The following NDUFAF7 variants were observed in gnomAD, a reference collection of about 807,000 sequenced individuals.
NDUFAF7 encodes NADH:ubiquinone oxidoreductase complex assembly factor 7.
A neutral mutation model predicts 47.2 loss-of-function variants in NDUFAF7; 48 were observed. The observed-to-expected ratio is 1.02, with a 90% CI of 0.81 to 1.29. The LOEUF is 1.29. Ranked by LOEUF, NDUFAF7 falls within the 50% of genes most tolerant of loss-of-function variation. The pLI is 0.00. For missense variants in NDUFAF7, 635 were observed against 537.6 expected (o/e 1.18, Z -1.79); for synonymous variants, 217 against 190.0 (o/e 1.14, Z -1.17).
chr2:37,245,146 A>T (rs1666771149), intron 7 of NDUFAF7, among the ~76,000 whole-genome samples: 1 of 152,224 alleles, frequency 6.6e-6, no homozygotes, highest in African/African-American at 2.4e-5. Flanking sequence ...ATCTATAAGG[A>T]AGAAAACAAC....
chr2:37,257,913 AAC>A (rs1350261691), downstream of NDUFAF7, among the ~76,000 whole-genome samples: 12 of 152,244 alleles, frequency 7.9e-5, no homozygotes, highest in South Asian at 2.3e-3. Context: ...TAGATTTGAA[AAC>A]AGTTATATGT....
downstream of NDUFAF7, chr2:37,256,692 G>C (rs774651444): frequency 3.2e-6 from 5 of 1,551,310 alleles, no homozygotes; most frequent in Non-Finnish European, 4.4e-6. Flanking sequence ...CATGGATTTG[G>C]TGGGTACATA....
At chr2:37,266,233 TTTAA>T in the NDUFAF7 span, among the ~76,000 whole-genome samples, 1 of 152,236 alleles carries the variant, frequency 6.6e-6, no homozygotes, top group Non-Finnish European at 1.5e-5. Context: ...AAATGAATCA[TTTAA>T]GTTTCTTACC....
At chr2:37,256,628 A>AT (rs56389006), downstream of NDUFAF7, 7,042 of 1,198,294 alleles carry the variant, frequency 5.9e-3, 210 homozygotes, top group Admixed American at 0.041. Context: ...CATAGCCAAA[A>AT]TTTTTTTTTT....
chr2:37,270,602 G>T, the NDUFAF7 span, among the ~76,000 whole-genome samples: 6 of 151,982 alleles, frequency 3.9e-5, no homozygotes, highest in Admixed American at 1.3e-4. Context: ...ACTGATGAAA[G>T]AAAAACAAAG....
the NDUFAF7 span, chr2:37,269,473 A>C: frequency 1.5e-6 from 1 of 681,226 alleles, no homozygotes; most frequent in Non-Finnish European, 2.6e-6. Context: ...AGTGAGAAGG[A>C]TTTAGCTGAA....
the NDUFAF7 span, among the ~76,000 whole-genome samples, chr2:37,261,415 A>T: frequency 1.5e-4 from 23 of 151,732 alleles, no homozygotes; most frequent in East Asian, 4.5e-3. Context: ...TGAACCTGGG[A>T]GGTGGAGGCT....
At chr2:37,239,370 C>T (rs1666127249) in intron 4 of NDUFAF7, among the ~76,000 whole-genome samples, 1 of 152,170 alleles carries the variant, frequency 6.6e-6, no homozygotes, top group African/African-American at 2.4e-5. Flanking sequence ...CCGCCTGCCT[C>T]GGCCTCCCAG....
At chr2:37,252,839 A>ATTTACATT (rs1667609283), downstream of NDUFAF7, 1 of 98,852 alleles carries the variant, frequency 1.0e-5, no homozygotes, top group Non-Finnish European at 2.1e-5. Flanking sequence ...ACAAACATAT[A>ATTTACATT]TTTATATTTA....
chr2:37,256,619 AT>A (rs1667961752), downstream of NDUFAF7: 4 of 1,469,560 alleles, frequency 2.7e-6, no homozygotes, highest in East Asian at 9.9e-5. Context: ...CTTAAAACAC[AT>A]AGCCAAAATT....
the NDUFAF7 span, among the ~76,000 whole-genome samples, chr2:37,267,003 T>C: frequency 1.7e-4 from 26 of 152,204 alleles, no homozygotes; most frequent in African/African-American, 5.8e-4. Flanking sequence ...AATATATCTT[T>C]AAAATACGCC....
chr2:37,235,972 A>G (rs1665710749), intron 2 of NDUFAF7, 124 bp from the exon 3 acceptor site: 2 of 849,646 alleles, frequency 2.4e-6, no homozygotes, highest in African/African-American at 1.7e-5. Context: ...TTGCTTATTT[A>G]GAGGAGAGAA....
intron 8 of NDUFAF7, among the ~76,000 whole-genome samples, chr2:37,247,090 AG>A (rs1667009486): frequency 6.6e-6 from 1 of 151,918 alleles, no homozygotes; most frequent in African/African-American, 2.4e-5. Flanking sequence ...TGTTCCCATA[AG>A]TATGTTCACG....
intron 8 of NDUFAF7, 88 bp downstream of exon 8, chr2:37,246,283 T>G (rs1445836665): frequency 7.2e-7 from 1 of 1,392,324 alleles, no homozygotes. Flanking sequence ...CAGTGCCTGG[T>G]ATTGTTGTAT....
At chr2:37,268,317 T>C in the NDUFAF7 span, 1 of 470,976 alleles carries the variant, frequency 2.1e-6, no homozygotes, top group Middle Eastern at 3.2e-4. Context: ...CAGTTCTTTG[T>C]TCCTCTGATG....
downstream of NDUFAF7, among the ~76,000 whole-genome samples, chr2:37,253,907 T>G (rs532968892): frequency 6.6e-6 from 1 of 152,352 alleles, no homozygotes; most frequent in East Asian, 1.9e-4. Context: ...AATCCTTCAG[T>G]AGACATTTAA....
downstream of NDUFAF7, among the ~76,000 whole-genome samples, chr2:37,249,576 C>T (rs866700845): frequency 7.8e-5 from 11 of 140,540 alleles, no homozygotes; most frequent in East Asian, 2.2e-3. Flanking sequence ...CACACACACA[C>T]ACACACACAC....
chr2:37,253,259 A>G (rs367746070), downstream of NDUFAF7: 103 of 1,612,826 alleles, frequency 6.4e-5, no homozygotes, highest in Non-Finnish European at 8.3e-5. Context: ...GTATGCATGT[A>G]TTTCCCAGCG....
At position 37,248,268 on chromosome 2, in the gene NDUFAF7, G is replaced by T; in HGVS notation, c.1244G>T (p.Gly415Val). 1 of 1,614,112 alleles carries T rather than the reference G, an allele frequency of 6.2e-7. No individual in the cohort carries two copies. Among genetic ancestry groups the T allele is most frequent in the Non-Finnish European group, 8.5e-7 (1 of 1,179,984 alleles). Reference sequence around the variant, plus strand: ...TTGCTACCTCATCAGAGACTTCAAGGTGGAAGATATCAGAGGAATGCACGT... The same window carrying T: ...TTGCTACCTCATCAGAGACTTCAAGTTGGAAGATATCAGAGGAATGCACGT... ...FALLPHQRLQ[G>V]GRYQRNARQS... The change falls in exon 10 of 10, where the codon GGT becomes GTT. Residue 415 changes from glycine (G) to valine (V), a missense_variant. Transcript: ENST00000002125.
Sources: gnomAD v4.1 joint callset for allele counts (sites outside exome capture counted in the v4.1 genomes callset) on GRCh38, gnomAD v4.1.1 for gene constraint, MANE v1.5 for transcripts, NCBI Gene and HGNC (gene_info 2026-07-23, HGNC 2026-07-21) for gene names.